THUMPD2: variants seen among roughly 807,000 people sequenced by gnomAD.
THUMPD2 encodes the protein U6 snRNA (guanine-N(2))-methyltransferase THUMPD2.
THUMPD2 carries 56 observed loss-of-function variants against 49.4 expected under a neutral mutation model. That is an observed-to-expected ratio of 1.13 (90% CI 0.91 to 1.41). THUMPD2 has a LOEUF of 1.41. THUMPD2 is among the 40% of genes most tolerant of loss of function. The pLI is 0.00. For synonymous variants in THUMPD2, 237 were observed against 205.2 expected (o/e 1.15, Z -1.32); for missense variants, 709 against 594.5 (o/e 1.19, Z -2.00).
intron 8 of THUMPD2, among the ~76,000 whole-genome samples, chr2:39,753,975 G>A (rs977961087): frequency 1.3e-5 from 2 of 152,076 alleles, no homozygotes; most frequent in African/African-American, 4.8e-5. Context: ...CACACAAACA[G>A]TGGAGCACTT....
At chr2:39,750,866 A>C (rs1675310221) in intron 8 of THUMPD2, among the ~76,000 whole-genome samples, 1 of 152,222 alleles carries the variant, frequency 6.6e-6, no homozygotes, top group South Asian at 2.1e-4. Flanking sequence ...TATGTTCATC[A>C]GCTGTCTTAA....
At chr2:39,757,174 G>A in intron 6 of THUMPD2, 1 of 353,258 alleles carries the variant, frequency 2.8e-6, no homozygotes, top group South Asian at 2.2e-5. Context: ...TGCTTCAAAG[G>A]CACTATGAGG....
chr2:39,761,535 G>C, intron 5 of THUMPD2, 117 bp from the exon 6 acceptor site: 3 of 935,082 alleles, frequency 3.2e-6, no homozygotes, highest in Middle Eastern at 2.7e-4. Flanking sequence ...ATACACTAAA[G>C]TATTCCCTAA....
rs115035129 is a variant in THUMPD2 at position 39,739,935 on chromosome 2, G to C, written c.1188-2876C>G. Among the ~76,000 whole-genome samples, 571 of 152,260 alleles carry C rather than the reference G, an allele frequency of 3.8e-3. 3 individuals are homozygous for C. The highest frequency in any genetic ancestry group is 0.012 in the African/African-American group (507 of 41,550). On this transcript the variant is annotated intron_variant, in intron 9 of 9. Coordinates refer to ENST00000505747, the MANE Select transcript of THUMPD2 (RefSeq NM_025264.5). ...TGAAATGTACATAACCTTTGACCCA[G>C]CAATCTCACTTCTAGGAAATTATCC...
intron 9 of THUMPD2, among the ~76,000 whole-genome samples, chr2:39,741,522 A>C (rs1000126630): frequency 2.6e-5 from 4 of 152,128 alleles, no homozygotes; most frequent in African/African-American, 7.2e-5. Context: ...TGCAAGGTGA[A>C]TTTTTAATTT....
intron 6 of THUMPD2, 90 bp from the exon 7 acceptor site, chr2:39,756,050 A>G (rs1159231358): frequency 8.2e-7 from 1 of 1,214,310 alleles, no homozygotes; most frequent in Non-Finnish European, 1.2e-6. Context: ...CAATATTTCA[A>G]GAGGAAAGAT....
intron 4 of THUMPD2, among the ~76,000 whole-genome samples, chr2:39,767,347 G>T (rs1391090936): frequency 6.6e-6 from 1 of 152,086 alleles, no homozygotes; most frequent in African/African-American, 2.4e-5. Flanking sequence ...GCTCACGCCT[G>T]TAATCCCAGC....
intron 8 of THUMPD2, among the ~76,000 whole-genome samples, chr2:39,754,281 G>A (rs1675810229): frequency 1.3e-5 from 2 of 152,136 alleles, no homozygotes; most frequent in Non-Finnish European, 1.5e-5. Flanking sequence ...TGTGTCTCCT[G>A]CACAGAGTCC....
chr2:39,754,074 A>G (rs1026495661), intron 8 of THUMPD2, among the ~76,000 whole-genome samples: 7 of 152,220 alleles, frequency 4.6e-5, no homozygotes, highest in African/African-American at 1.4e-4. Context: ...CAGAGGTCCA[A>G]TGGCCAACTC....
intron 1 of THUMPD2, among the ~76,000 whole-genome samples, chr2:39,776,321 C>T (rs1356966186): frequency 6.6e-6 from 1 of 151,496 alleles, no homozygotes; most frequent in African/African-American, 2.4e-5. Flanking sequence ...ATAAAACTTA[C>T]AGAATTCCAA....
At chr2:39,760,725 A>C (rs1427135243) in intron 6 of THUMPD2, among the ~76,000 whole-genome samples, 1 of 152,192 alleles carries the variant, frequency 6.6e-6, no homozygotes, top group African/African-American at 2.4e-5. Context: ...GTGAGACTTA[A>C]ATTTAAACTT....
Position 39,749,907 on chromosome 2 carries a change from T to C in THUMPD2, c.1078+5388A>G, listed in dbSNP as rs1358760603. 2.0e-5 allele frequency among the ~76,000 whole-genome samples: 3 copies of C among 152,220 alleles called. No homozygotes were observed. In the East Asian group the frequency reaches 5.8e-4, roughly 29 times the overall value. ...GGATAACAGCTTCAAGCACCATCCA[T>C]GTCCCTGCAAAGGACATTATCTTGT... On this transcript the variant is annotated intron_variant, in intron 8 of 9. Coordinates refer to ENST00000505747, the MANE Select transcript of THUMPD2 (RefSeq NM_025264.5).
In THUMPD2 at chr2:39,777,172, T is replaced by C. The variant is rs1056829414; in HGVS notation, c.126+1942A>G. On this transcript the variant is annotated intron_variant, in intron 1 of 9. Coordinates refer to ENST00000505747, the MANE Select transcript of THUMPD2 (RefSeq NM_025264.5). ...GTTAGGCAGCATGCTACCTGTGCTATCTTTATTTCAGGGACTGCAGTAATC... is the reference window on the plus strand; with the variant it reads ...GTTAGGCAGCATGCTACCTGTGCTACCTTTATTTCAGGGACTGCAGTAATC... 3.3e-5 allele frequency among the ~76,000 whole-genome samples: 5 copies of C among 152,248 alleles called. No homozygotes were observed. In the East Asian group the frequency reaches 9.6e-4, roughly 29 times the overall value.
chr2:39,760,598 A>C (rs1447107091), intron 6 of THUMPD2, among the ~76,000 whole-genome samples: 2 of 152,196 alleles, frequency 1.3e-5, no homozygotes, highest in Non-Finnish European at 2.9e-5. Context: ...AGAGACCATC[A>C]GAGTGGAGTA....
At chr2:39,744,591 G>C (rs1674325548) in intron 8 of THUMPD2, 113 bp from the exon 9 acceptor site, 3 of 635,562 alleles carry the variant, frequency 4.7e-6, no homozygotes, top group Non-Finnish European at 7.8e-6. Context: ...TTAACATTTA[G>C]GGTTGCTAAT....
At chr2:39,778,643 T>C (rs551167003) in intron 1 of THUMPD2, among the ~76,000 whole-genome samples, 1 of 152,368 alleles carries the variant, frequency 6.6e-6, no homozygotes, top group South Asian at 2.1e-4. Context: ...GGCTGCTATT[T>C]ACTGCGTGTT....
At chr2:39,767,189 G>A (rs1677636930) in intron 4 of THUMPD2, among the ~76,000 whole-genome samples, 1 of 152,106 alleles carries the variant, frequency 6.6e-6, no homozygotes, top group African/African-American at 2.4e-5. Flanking sequence ...TGCATTAAAT[G>A]GCTGATAGGA....
chr2:39,773,485 T>A (rs1010076840), intron 1 of THUMPD2, among the ~76,000 whole-genome samples: 1 of 148,576 alleles, frequency 6.7e-6, no homozygotes, highest in Non-Finnish European at 1.5e-5. Context: ...TATTCAAACA[T>A]CAAGGGAAGC....
In THUMPD2 at chr2:39,779,247, C is replaced by G; in HGVS notation, c.-8G>C. Reference sequence around the variant, plus strand: ...TCCACGCGCCTCCGACATGGCGGCTCAGGCGCGCCCTCGCGCCTTCGGGTC... The same window carrying G: ...TCCACGCGCCTCCGACATGGCGGCTGAGGCGCGCCCTCGCGCCTTCGGGTC... On this transcript the variant is annotated 5_prime_UTR_variant, in exon 1 of 10. Coordinates refer to ENST00000505747, the MANE Select transcript of THUMPD2 (RefSeq NM_025264.5). 6.7e-7 allele frequency: 1 copy of G among 1,484,170 alleles called. No individual in the cohort carries two copies. Among genetic ancestry groups the G allele is most frequent in the Non-Finnish European group, 8.9e-7 (1 of 1,125,400 alleles). The allele number at this position is 1,484,170 out of a possible 1,614,324, so 91.9% of individuals were successfully genotyped here.
Sources: gnomAD v4.1 joint callset for allele counts (sites outside exome capture counted in the v4.1 genomes callset) on GRCh38, gnomAD v4.1.1 for gene constraint, MANE v1.5 for transcripts, NCBI Gene and HGNC (gene_info 2026-07-23, HGNC 2026-07-21) for gene names.